PHF24: variants seen among roughly 807,000 people sequenced by gnomAD.
PHF24 encodes Galpha inhibitory interacting protein.
Under a neutral mutation model 42.6 loss-of-function variants are expected in PHF24, and 25 were observed. The ratio of observed to expected loss-of-function variants is 0.59; its 90% confidence interval spans 0.43 to 0.82. The LOEUF is 0.82. Among genes scored for constraint, PHF24 ranks in the 40% least tolerant of loss-of-function variants. The probability of loss-of-function intolerance (pLI) is 0.00; values close to 1 mark genes in which losing one functional copy is unlikely to be tolerated. For missense variants in PHF24, 470 were observed against 538.1 expected, an observed-to-expected ratio of 0.87 and a Z score of 1.25; for synonymous variants, 185 against 204.8, an observed-to-expected ratio of 0.90 and a Z score of 0.83.
the PHF24 span, among the ~76,000 whole-genome samples, chr9:34,908,087 C>T: frequency 3.3e-5 from 5 of 152,244 alleles, 1 homozygote; most frequent in South Asian, 6.2e-4. Context: ...GTGATCTGCC[C>T]GCCTCGGCCT....
chr9:34,881,580 C>T, the PHF24 span, among the ~76,000 whole-genome samples: 1 of 152,188 alleles, frequency 6.6e-6, no homozygotes, highest in Non-Finnish European at 1.5e-5. Flanking sequence ...ATACTATAAA[C>T]ACCTCTACAC....
At chr9:34,705,607 T>C in the PHF24 span, among the ~76,000 whole-genome samples, 1 of 152,210 alleles carries the variant, frequency 6.6e-6, no homozygotes, top group Non-Finnish European at 1.5e-5. Flanking sequence ...CACGCATACA[T>C]GCACCAAAAA....
At chr9:34,875,936 A>ACTCTCTCTCTCTCTCTCTCTCT in the PHF24 span, among the ~76,000 whole-genome samples, 2 of 87,898 alleles carry the variant, frequency 2.3e-5, no homozygotes, top group South Asian at 4.0e-4. Context: ...ACACACACAC[A>ACTCTCTCTCTCTCTCTCTCTCT]CACACACACA....
In PHF24 at chr9:34,958,746, C is replaced by T. The variant is rs924437338; in HGVS notation, c.-5+345C>T. 1.3e-5 allele frequency among the ~76,000 whole-genome samples: 2 copies of T among 152,142 alleles called. No individual in the cohort carries two copies. The highest frequency in any genetic ancestry group is 2.9e-5 in the Non-Finnish European group (2 of 68,012). ...ACAAGGGTGGTCTCTGGAGCTGGCT[C>T]AATGGAAGACCACCTGGGAACATAG... On this transcript the variant is annotated intron_variant, in intron 1 of 7. Coordinates refer to ENST00000242315, the Ensembl canonical transcript of PHF24. The surrounding 1 kb of genome is among the most constrained non-coding windows in gnomAD (Gnocchi z 4.5).
rs965446882 is a variant in PHF24, at chr9:34,969,550, T to A, written c.-4-1745T>A. ...CAGCTACTTAGGAGGCTGAGGCAGG[T>A]GAATCACTTGAACTCAGGAGGCAGA... On this transcript the variant is annotated intron_variant, in intron 1 of 7. Transcript: ENST00000242315. 3.0e-3 allele frequency among the ~76,000 whole-genome samples: 456 copies of A among 151,170 alleles called. 1 individual carries two copies. The highest frequency in any genetic ancestry group is 0.011 in the African/African-American group (436 of 41,142).
At chr9:34,930,740 A>G in the PHF24 span, among the ~76,000 whole-genome samples, 1 of 152,224 alleles carries the variant, frequency 6.6e-6, no homozygotes, top group Non-Finnish European at 1.5e-5. Context: ...ACTAGCCCAG[A>G]TTACCTTTTC....
chr9:34,959,285 G>A (rs1391643277), intron 1 of PHF24, among the ~76,000 whole-genome samples: 2 of 152,136 alleles, frequency 1.3e-5, no homozygotes, highest in Admixed American at 6.5e-5. Context: ...AAGGAATAAA[G>A]GATGTATGGG....
At chr9:34,892,944 C>A in the PHF24 span, 59 of 687,274 alleles carry the variant, frequency 8.6e-5, no homozygotes, top group African/African-American at 7.7e-4. Context: ...GAGCCCAGAT[C>A]CTGACTATGC....
the PHF24 span, among the ~76,000 whole-genome samples, chr9:34,772,341 T>A: frequency 6.6e-6 from 1 of 152,170 alleles, no homozygotes. Context: ...AAGGAAATAA[T>A]TGTGTGTATA....
At chr9:34,873,706 A>G in the PHF24 span, among the ~76,000 whole-genome samples, 107,435 of 145,624 alleles carry the variant, frequency 0.74, 39,739 homozygotes, top group East Asian at 0.87. Context: ...TTGGTTCCAT[A>G]TGAACTTTAA....
chr9:34,780,679 G>T, the PHF24 span, among the ~76,000 whole-genome samples: 1 of 151,916 alleles, frequency 6.6e-6, no homozygotes, highest in African/African-American at 2.4e-5. Context: ...TGCATCAAAG[G>T]ACAGCATCAA....
intron 1 of PHF24, among the ~76,000 whole-genome samples, chr9:34,970,979 A>G (rs1826953523): frequency 6.6e-6 from 1 of 152,176 alleles, no homozygotes; most frequent in Non-Finnish European, 1.5e-5. Context: ...TCATCCAGGC[A>G]AGGTGGTAGG....
the PHF24 span, among the ~76,000 whole-genome samples, chr9:34,666,535 A>C: frequency 6.8e-6 from 1 of 147,046 alleles, no homozygotes; most frequent in Non-Finnish European, 1.5e-5. Flanking sequence ...CTCTGGTCTG[A>C]GACCTATCTT....
At chr9:34,924,533 T>C in the PHF24 span, among the ~76,000 whole-genome samples, 2 of 152,196 alleles carry the variant, frequency 1.3e-5, no homozygotes, top group East Asian at 3.8e-4. Context: ...TATGACCGTT[T>C]GTGTTTCTTT....
At chr9:34,809,998 GCGCCGCCGCCGCCCACGCGC>G in the PHF24 span, among the ~76,000 whole-genome samples, 2,259 of 149,670 alleles carry the variant, frequency 0.015, 49 homozygotes, top group South Asian at 0.071. The surrounding 1 kb of genome is among the most constrained non-coding windows in gnomAD (Gnocchi z 4.1). Context: ...GTGGGCGCAC[GCGCCGCCGCCGCCCACGCGC>G]CGCCGCCGCC....
exon 2 of PHF24, chr9:34,971,453 T>C (rs1442691668): frequency 1.2e-6 from 2 of 1,613,938 alleles, no homozygotes; most frequent in Admixed American, 1.7e-5. Context: ...GAGGGCTCCG[T>C]CCAGGAGGTA....
the PHF24 span, among the ~76,000 whole-genome samples, chr9:34,943,415 G>T: frequency 6.6e-6 from 1 of 152,038 alleles, no homozygotes; most frequent in African/African-American, 2.4e-5. Context: ...ATGACCACTG[G>T]GTGCATCCAC....
At chr9:34,932,118 C>G in the PHF24 span, among the ~76,000 whole-genome samples, 139,767 of 152,196 alleles carry the variant, frequency 0.92, 64,562 homozygotes, top group East Asian at 1. Flanking sequence ...TGGTCTTCAG[C>G]CACCTGGCAT....
the PHF24 span, among the ~76,000 whole-genome samples, chr9:34,846,937 C>G: frequency 1.3e-5 from 2 of 152,142 alleles, no homozygotes; most frequent in Non-Finnish European, 2.9e-5. Context: ...TCTGAGGGCT[C>G]TGTTCTGTTC....
Sources: gnomAD v4.1 joint callset for allele counts (sites outside exome capture counted in the v4.1 genomes callset) on GRCh38, gnomAD v4.1.1 for gene constraint, Gnocchi (gnomAD v3.1) non-coding constraint, MANE v1.5 for transcripts, NCBI Gene and HGNC (gene_info 2026-07-23, HGNC 2026-07-21) for gene names.